SLC22A24: variants seen among roughly 807,000 people sequenced by gnomAD.
SLC22A24 encodes the protein solute carrier family 22 member 24, also known as steroid transmembrane transporter SLC22A24.
A neutral mutation model predicts 49.8 loss-of-function variants in SLC22A24; 53 were observed. That is an observed-to-expected ratio of 1.06 (90% CI 0.85 to 1.34). The LOEUF (loss-of-function observed/expected upper bound fraction) is 1.34, where lower values mean the gene tolerates loss of function less well. Ranked by LOEUF, SLC22A24 falls within the 40% of genes most tolerant of loss-of-function variation. SLC22A24 has a pLI of 0.00. For synonymous variants in SLC22A24, 302 were observed against 256.4 expected (o/e 1.18, Z -1.70); for missense variants, 786 against 675.9 (o/e 1.16, Z -1.81).
intron 2 of SLC22A24, among the ~76,000 whole-genome samples, chr11:63,130,701 G>T (rs2087327958): frequency 1.3e-5 from 2 of 152,186 alleles, no homozygotes; most frequent in South Asian, 4.2e-4. Flanking sequence ...GTTTAGTCTT[G>T]GGAGGGTGTA....
chr11:63,092,327 C>G (rs2087025222), intron 6 of SLC22A24, among the ~76,000 whole-genome samples: 1 of 150,502 alleles, frequency 6.6e-6, no homozygotes, highest in Non-Finnish European at 1.5e-5. Flanking sequence ...CCATACTGCC[C>G]AAAGTAATTT....
intron 4 of SLC22A24, among the ~76,000 whole-genome samples, chr11:63,110,229 C>T (rs1484812568): frequency 6.6e-6 from 1 of 151,878 alleles, no homozygotes; most frequent in Non-Finnish European, 1.5e-5. Flanking sequence ...GTACCAGTAC[C>T]ATGCTGTTTT....
rs747419624 is a variant in SLC22A24, at chr11:63,143,409, C to T, written c.371G>A (p.Arg124Lys). 1 of 1,495,226 alleles carries T rather than the reference C, an allele frequency of 6.7e-7. No homozygotes were observed. Among genetic ancestry groups the T allele is most frequent in the Non-Finnish European group, 8.9e-7 (1 of 1,124,746 alleles). The allele number at this position is 1,495,226 out of a possible 1,614,324, so 92.6% of individuals were successfully genotyped here. ...CACGATGGTGGAGAGGAAAGAGCTT[C>T]TGTCGTACACCCAGCCATCCACACA... ...EPCVDGWVYDRSSFLSTIVTE... is the reference protein window; with the variant it reads ...EPCVDGWVYDKSSFLSTIVTE... The change falls in exon 1 of 10, where the codon AGA becomes AAA. Residue 124 changes from arginine to lysine, a missense_variant. By Grantham distance (26) the Arg-to-Lys change is conservative. Transcript: ENST00000612278.
rs2087432697 is a variant in SLC22A24 at position 63,143,678 on chromosome 11, A to G, written c.102T>C (p.Asn34=). 3 of 1,593,872 alleles carry G rather than the reference A, an allele frequency of 1.9e-6. No homozygotes were observed. The African/African-American group carries it at 4.1e-5, about 22-fold the overall frequency. The change falls in exon 1 of 10, where the codon AAT becomes AAC. Residue 34 remains asparagine, a synonymous_variant. Transcript: ENST00000612278. ...ATGCAGTGAAGTTCTCCAACACAAT[A>G]TTAGGGAACAGTAGGATGTTGGTGA... ...FCITNILLFP[N]IVLENFTAFT... is the part of the protein sequence containing the mutation.
intron 5 of SLC22A24, among the ~76,000 whole-genome samples, chr11:63,098,991 C>G (rs1041370053): frequency 6.6e-6 from 1 of 151,850 alleles, no homozygotes; most frequent in African/African-American, 2.4e-5. Flanking sequence ...CAACAGTATG[C>G]CAATACATTA....
chr11:63,132,762 G>T (rs2087345892), intron 2 of SLC22A24, among the ~76,000 whole-genome samples: 1 of 152,150 alleles, frequency 6.6e-6, no homozygotes, highest in Non-Finnish European at 1.5e-5. Context: ...TGGGGGCCAG[G>T]GACCCACTTG....
At chr11:63,124,839 A>G (rs1396296781) in intron 2 of SLC22A24, among the ~76,000 whole-genome samples, 7 of 152,274 alleles carry the variant, frequency 4.6e-5, no homozygotes, top group Admixed American at 3.3e-4. Context: ...CATTCTCAGT[A>G]AACTATTGCA....
At chr11:63,135,695 T>C (rs1340420531) in intron 1 of SLC22A24, among the ~76,000 whole-genome samples, 2 of 152,218 alleles carry the variant, frequency 1.3e-5, no homozygotes, top group African/African-American at 4.8e-5. Context: ...TATTTTTGAC[T>C]ATGGAAATGA....
intron 4 of SLC22A24, among the ~76,000 whole-genome samples, chr11:63,114,389 T>C (rs562040339): frequency 2.0e-5 from 3 of 152,332 alleles, no homozygotes; most frequent in Admixed American, 2.0e-4. Context: ...GTCATGAAGA[T>C]CTCATGCCAT....
At chr11:63,096,155 G>T in intron 5 of SLC22A24, 49 bp from the exon 6 acceptor site, 1 of 1,188,138 alleles carries the variant, frequency 8.4e-7, no homozygotes, top group Non-Finnish European at 1.2e-6. Flanking sequence ...TCAATAATGT[G>T]TCAGGCATAG....
chr11:63,116,702 C>A, intron 4 of SLC22A24, among the ~76,000 whole-genome samples: 1 of 152,112 alleles, frequency 6.6e-6, no homozygotes, highest in East Asian at 1.9e-4. Context: ...TCAGCCCTCG[C>A]CTTCTGGGAC....
At chr11:63,103,067 A>G (rs1341595272) in intron 5 of SLC22A24, among the ~76,000 whole-genome samples, 3 of 152,182 alleles carry the variant, frequency 2.0e-5, no homozygotes, top group Admixed American at 1.3e-4. Context: ...AGCATATGCT[A>G]TAATGAAATA....
chr11:63,090,755 GA>G (rs1164392836), intron 6 of SLC22A24, among the ~76,000 whole-genome samples: 1 of 151,396 alleles, frequency 6.6e-6, no homozygotes, highest in African/African-American at 2.4e-5. Context: ...CCAAGTACCA[GA>G]ATCTCTGGGA....
intron 1 of SLC22A24, among the ~76,000 whole-genome samples, chr11:63,136,553 T>C (rs1025320256): frequency 6.6e-6 from 1 of 152,210 alleles, no homozygotes; most frequent in Non-Finnish European, 1.5e-5. Context: ...TTCAAACATC[T>C]CAACAACTGT....
chr11:63,115,135 T>C (rs2087202466), intron 4 of SLC22A24, among the ~76,000 whole-genome samples: 1 of 152,230 alleles, frequency 6.6e-6, no homozygotes. Flanking sequence ...CTGAAGTTTC[T>C]GCTGCCTTTT....
intron 6 of SLC22A24, 122 bp downstream of exon 6, chr11:63,095,869 A>G: frequency 1.4e-6 from 1 of 709,712 alleles, no homozygotes; most frequent in Non-Finnish European, 2.4e-6. Flanking sequence ...ATACATTTGT[A>G]TGTGATTTTC....
chr11:63,141,626 C>G (rs2134687874), intron 1 of SLC22A24, among the ~76,000 whole-genome samples: 1 of 152,278 alleles, frequency 6.6e-6, no homozygotes, highest in Middle Eastern at 3.4e-3. Flanking sequence ...CCAGGAACCC[C>G]AAGTTATCTT....
At chr11:63,129,984 T>C (rs2087321890) in intron 2 of SLC22A24, among the ~76,000 whole-genome samples, 2 of 152,192 alleles carry the variant, frequency 1.3e-5, no homozygotes, top group African/African-American at 4.8e-5. Flanking sequence ...TCTTGCCTGA[T>C]TGCCGTGGCC....
chr11:63,119,552 A>C (rs2087237152), intron 2 of SLC22A24, among the ~76,000 whole-genome samples: 1 of 152,176 alleles, frequency 6.6e-6, no homozygotes, highest in South Asian at 2.1e-4. Context: ...CTCTCACCAA[A>C]CCATCACTGG....
Sources: allele counts gnomAD v4.1 joint callset (sites outside exome capture counted in the v4.1 genomes callset), GRCh38; gene constraint gnomAD v4.1.1; transcripts MANE v1.5; gene names NCBI Gene and HGNC (gene_info 2026-07-23, HGNC 2026-07-21).